PNPLA6: variants seen among roughly 807,000 people sequenced by gnomAD.
The protein encoded by PNPLA6 is patatin like domain 6, lysophospholipase, also known as patatin-like phospholipase domain-containing protein 6.
PNPLA6 carries 105 observed loss-of-function variants against 153.7 expected under a neutral mutation model. The ratio of observed to expected loss-of-function variants is 0.68; its 90% CI spans 0.58 to 0.80. The LOEUF is 0.80. Ranked by LOEUF, PNPLA6 falls within the 30% of genes least tolerant of loss-of-function variation. The pLI is 0.00. For synonymous variants in PNPLA6, 825 were observed against 822.2 expected (o/e 1.00, Z -0.06); for missense variants, 1,423 against 1,919.3 (o/e 0.74, Z 4.83).
intron 28 of PNPLA6, 152 bp downstream of exon 28, chr19:7,559,303 A>G: frequency 1.3e-6 from 1 of 756,994 alleles, no homozygotes; most frequent in Non-Finnish European, 2.3e-6. Context: ...TCAATTGGTG[A>G]TGTCTGCAGG....
At position 7,535,871 on chromosome 19, in the gene PNPLA6, C is replaced by T; in HGVS notation, c.83C>T (p.Ala28Val). 2 of 1,541,184 alleles carry T rather than the reference C, an allele frequency of 1.3e-6. No individual in the cohort carries two copies. The highest frequency in any genetic ancestry group is 1.7e-6 in the Non-Finnish European group (2 of 1,148,766). ...AERDGFQDVL[A>V]PGEGSAGRIC... ...AGGGATGGGTTCCAGGACGTCCTGG[C>T]GCCCGGGGAAGGCTCGGCGGGACGG... The change falls in exon 1 of 32, where the codon GCG becomes GTG. Residue 28 changes from alanine (A) to valine (V), a missense_variant. Around this residue, in one of 10 missense-constraint regions of PNPLA6, gnomAD observed 109 missense variants for 109.4 expected, o/e 1.00. Transcript: ENST00000600737. This position sits in a 1 kb window ranked among gnomAD's most constrained non-coding sequence, Gnocchi z 5.0.
At position 7,535,728 on chromosome 19, in the gene PNPLA6, C is replaced by A. The variant is rs2022825702; in HGVS notation, c.-61C>A. 1 of 1,518,654 alleles carries A rather than the reference C, an allele frequency of 6.6e-7. No individual in the cohort carries two copies. Among genetic ancestry groups the A allele is most frequent in the Admixed American group, 2.0e-5 (1 of 50,434 alleles). 94.1% of individuals were successfully genotyped at this position (1,518,654 alleles called of 1,614,324 possible). A position where few individuals can be genotyped will look rare whatever the true frequency, so the allele number is the denominator to read the frequency against. On this transcript the variant is annotated 5_prime_UTR_variant, in exon 1 of 32. Transcript: ENST00000600737. The surrounding 1 kb of genome is among the most constrained non-coding windows in gnomAD (Gnocchi z 5.0). ...ACGTTTCCCGGCATGCACTGCGGGC[C>A]GCCGGGCCTCAGGGAAGAGTCGCGC...
chr19:7,556,349 G>A (rs986767688), intron 24 of PNPLA6, 104 bp from the exon 25 acceptor site: 51 of 793,916 alleles, frequency 6.4e-5, no homozygotes, highest in South Asian at 3.9e-4. Flanking sequence ...AGTGTGAGCC[G>A]CTGCACCTGG....
chr19:7,558,735 T>TCTC, intron 27 of PNPLA6, 115 bp from the exon 28 acceptor site: 2 of 692,968 alleles, frequency 2.9e-6, no homozygotes, highest in Non-Finnish European at 4.9e-6. Context: ...TGTGTGGGTA[T>TCTC]TCTCTCTTTT....
Position 7,542,569 on chromosome 19 carries a change from G to C in PNPLA6, c.1261G>C (p.Gly421Arg). 4 of 1,613,522 alleles carry C rather than the reference G, an allele frequency of 2.5e-6. No homozygotes were observed. The highest frequency in any genetic ancestry group is 3.4e-6 in the Non-Finnish European group (4 of 1,179,768). Reference sequence around the variant, plus strand: ...CCCCTGCCTGCCTGCAGGCTTGCAGGGTGGCCCCCGCTCCGACTTCGACAT... The same window carrying C: ...CCCCTGCCTGCCTGCAGGCTTGCAGCGTGGCCCCCGCTCCGACTTCGACAT... Reference protein sequence around the residue: ...SMPGDISGLQGGPRSDFDMAY... With the variant: ...SMPGDISGLQRGPRSDFDMAY... Residue 421 changes from glycine (G) to arginine (R), a missense_variant, in exon 11 of 32, where the codon GGT (glycine) becomes CGT (arginine). Around this residue, in one of 10 missense-constraint regions of PNPLA6, gnomAD observed 267 missense variants for 255.1 expected, o/e 1.05. Coordinates refer to ENST00000600737, the MANE Select transcript of PNPLA6 (RefSeq NM_001166114.2).
chr19:7,541,688 C>A lies in PNPLA6; in HGVS notation c.1168+4C>A. ...GCCCCGCTGCCTGGACCTACAGGTA[C>A]CCAGGGACCCGAGGCCAGCCGAGCC... On this transcript the variant is annotated splice_donor_region_variant and intron_variant, in intron 9 of 31. Transcript: ENST00000600737. The surrounding 1 kb of genome is among the most constrained non-coding windows in gnomAD (Gnocchi z 5.2). 6.4e-7 allele frequency: 1 copy of A among 1,565,644 alleles called. No homozygotes were observed. The highest frequency in any genetic ancestry group is 8.6e-7 in the Non-Finnish European group (1 of 1,158,630).
At position 7,555,219 on chromosome 19, in the gene PNPLA6, C is replaced by A; in HGVS notation, c.2818-30C>A. 1 of 1,566,066 alleles carries A rather than the reference C, an allele frequency of 6.4e-7. No homozygotes were observed. The highest frequency in any genetic ancestry group is 1.1e-5 in the South Asian group (1 of 87,150). On this transcript the variant is annotated intron_variant, in intron 22 of 31. Coordinates refer to ENST00000600737, the MANE Select transcript of PNPLA6 (RefSeq NM_001166114.2). The surrounding 1 kb of genome is among the most constrained non-coding windows in gnomAD (Gnocchi z 6.3). Reference sequence around the variant, plus strand: ...ATCCGCCGGACCCCGCCCTCATGCTCCTGGGTCGCGACTATCTCCCCCATC... The same window carrying A: ...ATCCGCCGGACCCCGCCCTCATGCTACTGGGTCGCGACTATCTCCCCCATC...
At chr19:7,539,895 C>T (rs200634227) in intron 3 of PNPLA6, 23 bp from the exon 4 acceptor site, 716 of 1,509,538 alleles carry the variant, frequency 4.7e-4, no homozygotes, top group Non-Finnish European at 5.9e-4. Context: ...CCCTCACCCC[C>T]GGCACCCCTC....
intron 26 of PNPLA6, 48 bp downstream of exon 26, chr19:7,556,772 T>G: frequency 7.4e-7 from 1 of 1,355,144 alleles, no homozygotes; most frequent in Non-Finnish European, 1.1e-6. Context: ...CCACGTGGGG[T>G]TGGGGGGATG....
Position 7,535,915 on chromosome 19 carries a change from GT to G in PNPLA6, c.128del (p.Val43GlyfsTer10), listed in dbSNP as rs1376393470. On this transcript the variant is annotated frameshift_variant, in exon 1 of 32. Transcript: ENST00000600737. LOFTEE classifies it high-confidence loss of function. The surrounding 1 kb of genome is among the most constrained non-coding windows in gnomAD (Gnocchi z 5.0). ...SAGRICGAQP[V>X]PFVPQVLGVM... is the part of the protein sequence containing the mutation. ...GGGACGGATTTGCGGTGCGCAGCCA[GT>G]GCCGTTCGTCCCTCAGGTGCTTGGC... 1 of 1,566,798 alleles carries G rather than the reference GT, an allele frequency of 6.4e-7. No homozygotes were observed. Among genetic ancestry groups the G allele is most frequent in the Non-Finnish European group, 8.6e-7 (1 of 1,162,114 alleles).
At chr19:7,554,405 G>A (rs1238408180) in intron 20 of PNPLA6, 133 bp downstream of exon 20, 29 of 1,211,580 alleles carry the variant, frequency 2.4e-5, no homozygotes, top group Non-Finnish European at 3.2e-5. Context: ...GGGGAGATTC[G>A]CAGTGGTGTG....
In PNPLA6 at chr19:7,554,202, C is replaced by T. The variant is rs2146100412; in HGVS notation, c.2402-7C>T. On this transcript the variant is annotated splice_polypyrimidine_tract_variant and splice_region_variant and intron_variant, in intron 19 of 31. Coordinates refer to ENST00000600737, the MANE Select transcript of PNPLA6 (RefSeq NM_001166114.2). ...GTTCCCAGCCTCCCTTCCCCACCTACCCCTAGGTCCGACGCTACTCCTTAA... is the reference window on the plus strand; with the variant it reads ...GTTCCCAGCCTCCCTTCCCCACCTATCCCTAGGTCCGACGCTACTCCTTAA... 1.2e-6 allele frequency: 2 copies of T among 1,613,720 alleles called. No individual in the cohort carries two copies. Among genetic ancestry groups the T allele is most frequent in the Non-Finnish European group, 8.5e-7 (1 of 1,179,580 alleles).
Position 7,554,923 on chromosome 19 carries a change from C to T in PNPLA6, c.2665C>T (p.Arg889Cys), listed in dbSNP as rs1198393604. ...GCAGATGCTGGAGAACACGGCTGTG[C>T]GCGCCCTTAAGCAGCTAGTCCTGCT... ...LEQMLENTAV[R>C]ALKQLVLLHR... Residue 889 changes from arginine (R) to cysteine (C), a missense_variant, in exon 22 of 32, where the codon CGC (arginine) becomes TGC (cysteine). Physicochemically the swap from Arg to Cys is radical, Grantham distance 180. Coordinates refer to ENST00000600737, the MANE Select transcript of PNPLA6 (RefSeq NM_001166114.2). 1 of 1,587,952 alleles carries T rather than the reference C, an allele frequency of 6.3e-7. No homozygotes were observed. The highest frequency in any genetic ancestry group is 8.5e-7 in the Non-Finnish European group (1 of 1,172,826).
chr19:7,556,642 C>T lies in PNPLA6; in HGVS notation c.3211-13C>T. 1 of 1,611,614 alleles carries T rather than the reference C, an allele frequency of 6.2e-7. No individual in the cohort carries two copies. The highest frequency in any genetic ancestry group is 2.2e-5 in the East Asian group (1 of 44,858). On this transcript the variant is annotated splice_polypyrimidine_tract_variant and intron_variant, in intron 25 of 31. Coordinates refer to ENST00000600737, the MANE Select transcript of PNPLA6 (RefSeq NM_001166114.2). ...CCCCTGCTCCTCCCCCACCTCGATCCCTGTCCCCGCAGGACCTGTGGCTGC... is the reference window on the plus strand; with the variant it reads ...CCCCTGCTCCTCCCCCACCTCGATCTCTGTCCCCGCAGGACCTGTGGCTGC...
intron 3 of PNPLA6, among the ~76,000 whole-genome samples, chr19:7,537,724 C>T (rs961724798): frequency 1.3e-5 from 2 of 152,198 alleles, no homozygotes; most frequent in Non-Finnish European, 2.9e-5. Flanking sequence ...TCACTGCAAC[C>T]TCCACCTCCT....
At position 7,542,016 on chromosome 19, in the gene PNPLA6, C is replaced by A. The variant is rs764680494; in HGVS notation, c.1201C>A (p.Pro401Thr). The A allele has an allele frequency of 1.2e-6, 2 of 1,608,210 alleles. No individual in the cohort carries two copies. The highest frequency in any genetic ancestry group is 2.7e-5 in the African/African-American group (2 of 74,926). ...TGTGAAGCCCACATCCCTGGAAACC[C>A]CCTCGGCCCCTCTGCTGAGCCGCTG... The part of the protein sequence containing the change: ...DPVKPTSLET[P>T]SAPLLSRCVS... The change falls in exon 10 of 32, where the codon CCC (proline) becomes ACC (threonine). Residue 401 changes from proline to threonine, a missense_variant. By Grantham distance (38) the Pro-to-Thr change is conservative (BLOSUM62 -1). This residue lies in a region of PNPLA6 where 267 missense variants were observed against 255.1 expected (regional missense o/e 1.05). Transcript: ENST00000600737.
intron 3 of PNPLA6, 116 bp downstream of exon 3, chr19:7,536,662 C>T: frequency 1.3e-6 from 1 of 755,040 alleles, no homozygotes; most frequent in Non-Finnish European, 2.3e-6. Flanking sequence ...CGCTGTGGCT[C>T]ATGCCTGTAA....
intron 26 of PNPLA6, 140 bp downstream of exon 26, chr19:7,556,864 G>A (rs1486121115): frequency 9.5e-6 from 7 of 739,490 alleles, no homozygotes; most frequent in East Asian, 2.6e-5. Context: ...ACCACTAACC[G>A]CCACCCACTA....
At position 7,555,053 on chromosome 19, in the gene PNPLA6, C is replaced by G; in HGVS notation, c.2795C>G (p.Ser932Trp). Residue 932 changes from serine (S) to tryptophan (W), a missense_variant, in exon 22 of 32, where the codon TCG (serine) becomes TGG (tryptophan). Physicochemically the swap from Ser to Trp is radical, Grantham distance 177. Coordinates refer to ENST00000600737, the MANE Select transcript of PNPLA6 (RefSeq NM_001166114.2). The surrounding 1 kb of genome is among the most constrained non-coding windows in gnomAD (Gnocchi z 6.3). ...CTGCGCTGTCCGCGCCGCCTCTTTT[C>G]GCGCCGCAGCCCTGCCAAGCTGGTG... ...LHLRCPRRLF[S>W]RRSPAKLHEL... 6.3e-7 allele frequency: 1 copy of G among 1,592,920 alleles called. No individual in the cohort carries two copies. The highest frequency in any genetic ancestry group is 8.5e-7 in the Non-Finnish European group (1 of 1,178,010).
Sources: gnomAD v4.1 joint callset for allele counts (sites outside exome capture counted in the v4.1 genomes callset) on GRCh38, gnomAD v4.1.1 for gene constraint, gnomAD v4.1.1 regional missense constraint, Gnocchi (gnomAD v3.1) non-coding constraint, MANE v1.5 for transcripts, NCBI Gene and HGNC (gene_info 2026-07-23, HGNC 2026-07-21) for gene names.